Variants in OR56A3 observed in about 807,000 individuals in gnomAD.
OR56A3 encodes the protein olfactory receptor 56A3.
A neutral mutation model predicts 17.5 loss-of-function variants in OR56A3; 23 were observed. The ratio of observed to expected loss-of-function variants is 1.32; its 90% CI spans 0.95 to 1.87. The LOEUF (loss-of-function observed/expected upper bound fraction) is 1.87. Among genes scored for constraint, OR56A3 ranks in the 40% most tolerant of loss-of-function variants. The pLI is 0.00. For missense variants in OR56A3, 366 were observed against 380.1 expected (o/e 0.96, Z 0.31); for synonymous variants, 175 against 150.6 (o/e 1.16, Z -1.19).
chr11:6,006,517 A>G, the OR56A3 span: 1 of 152,240 alleles, frequency 6.6e-6, no homozygotes, highest in Non-Finnish European at 1.5e-5. Flanking sequence ...CAGATTCTGA[A>G]CTAACCAAAA....
At position 5,951,196 on chromosome 11, in the gene OR56A3, A is replaced by T. The variant is rs1012219455; in HGVS notation, c.*2902A>T. 7 of 152,134 alleles carry T rather than the reference A, an allele frequency of 4.6e-5. No individual in the cohort carries two copies. The highest frequency in any genetic ancestry group is 1.4e-4 in the African/African-American group (6 of 41,450). 9.4% of individuals were successfully genotyped at this position (152,134 alleles called of 1,614,324 possible). A position where few individuals can be genotyped will look rare whatever the true frequency, so the allele number is the denominator to read the frequency against. On this transcript the variant is annotated 3_prime_UTR_variant, in exon 3 of 3. Transcript: ENST00000641160. ...GACTTGAAGAAGAGTTAAACTTAAG[A>T]TCCTAAGGAAGAATGTAAATGGGTA...
the OR56A3 span, among the ~76,000 whole-genome samples, chr11:5,991,339 C>CA: frequency 5.9e-5 from 9 of 152,172 alleles, no homozygotes; most frequent in African/African-American, 2.2e-4. Flanking sequence ...AGCTCTCAGC[C>CA]CTCCCCTAAT....
At chr11:6,003,277 A>G in the OR56A3 span, 1 of 573,678 alleles carries the variant, frequency 1.7e-6, no homozygotes, top group Non-Finnish European at 2.9e-6. Context: ...ACAGGTAATA[A>G]AATAGAGATA....
the OR56A3 span, among the ~76,000 whole-genome samples, chr11:5,963,475 T>G: frequency 2.6e-5 from 4 of 151,160 alleles, no homozygotes; most frequent in Admixed American, 1.3e-4. Flanking sequence ...TTTTTTGGTG[T>G]TTTTTTTTAA....
downstream of OR56A3, among the ~76,000 whole-genome samples, chr11:5,951,766 G>A (rs1826044921): frequency 6.6e-6 from 1 of 152,104 alleles, no homozygotes; most frequent in African/African-American, 2.4e-5. Context: ...ACTTAATGTA[G>A]GAAACTCCTT....
At chr11:5,999,791 G>A in the OR56A3 span, 4 of 152,290 alleles carry the variant, frequency 2.6e-5, no homozygotes, top group East Asian at 1.9e-4. Context: ...TAGCCATGCA[G>A]AATTTTAAAG....
the OR56A3 span, among the ~76,000 whole-genome samples, chr11:6,011,901 C>G: frequency 1.3e-5 from 2 of 152,198 alleles, no homozygotes; most frequent in Non-Finnish European, 2.9e-5. Context: ...GTGGCTGCAG[C>G]TGGACTAGGC....
chr11:6,001,897 GT>G, the OR56A3 span: 5 of 643,686 alleles, frequency 7.8e-6, no homozygotes, highest in South Asian at 1.7e-4. Context: ...ACAAATAAAT[GT>G]GTTCATTGTT....
chr11:6,001,093 A>G, the OR56A3 span: 1 of 152,220 alleles, frequency 6.6e-6, no homozygotes, highest in South Asian at 2.1e-4. Flanking sequence ...AGGAAATGCC[A>G]AAATAGTAGA....
the OR56A3 span, among the ~76,000 whole-genome samples, chr11:5,965,949 C>T: frequency 2.6e-5 from 4 of 152,002 alleles, no homozygotes; most frequent in Non-Finnish European, 4.4e-5. Context: ...GAGCTGGGAG[C>T]TGACCTGCAT....
the OR56A3 span, among the ~76,000 whole-genome samples, chr11:5,998,466 T>C: frequency 5.9e-5 from 9 of 152,102 alleles, no homozygotes; most frequent in African/African-American, 1.7e-4. Context: ...GAAATTATGA[T>C]AGAAGGGAGA....
chr11:6,010,820 TG>T, the OR56A3 span, among the ~76,000 whole-genome samples: 1 of 10,346 alleles, frequency 9.7e-5, no homozygotes, highest in African/African-American at 3.9e-4. Context: ...GACAGAAATG[TG>T]TGTGTGTGTG....
chr11:5,951,409 A>G (rs1049064612), downstream of OR56A3: 1 of 152,058 alleles, frequency 6.6e-6, no homozygotes, highest in African/African-American at 2.4e-5. Flanking sequence ...TTCTTTTAAT[A>G]AAATGTATTT....
At chr11:5,986,090 G>A in the OR56A3 span, 60 of 1,613,840 alleles carry the variant, frequency 3.7e-5, no homozygotes, top group African/African-American at 1.3e-4. Context: ...TGACCAAAGC[G>A]GTGAGTGAGG....
chr11:5,975,476 C>T, the OR56A3 span, among the ~76,000 whole-genome samples: 1,160 of 150,568 alleles, frequency 7.7e-3, 17 homozygotes, highest in African/African-American at 0.027. Context: ...TTTGTCCTTG[C>T]GATAGTTTGC....
At chr11:5,974,458 C>T in the OR56A3 span, among the ~76,000 whole-genome samples, 5 of 152,146 alleles carry the variant, frequency 3.3e-5, no homozygotes, top group African/African-American at 1.2e-4. Context: ...CTGTTTCCTG[C>T]TCATATTGTA....
chr11:5,954,342 T>C (rs1298345285), downstream of OR56A3, among the ~76,000 whole-genome samples: 1 of 152,162 alleles, frequency 6.6e-6, no homozygotes, highest in Non-Finnish European at 1.5e-5. Context: ...TCAGATCTTA[T>C]CCCACAATCC....
rs1174577520 is a variant in OR56A3, at chr11:5,949,518, A to G, written c.*1224A>G. 6.6e-6 allele frequency: 1 copy of G among 152,224 alleles called. No homozygotes were observed. Among genetic ancestry groups the G allele is most frequent in the East Asian group, 1.9e-4 (1 of 5,194 alleles). The allele number at this position is 152,224 out of a possible 1,614,324, so 9.4% of individuals were successfully genotyped here. ...CACTGTGTTTCCCATTATTCATCCAATACCTGATAATAGTGAGCGATTTGT... is the reference window on the plus strand; with the variant it reads ...CACTGTGTTTCCCATTATTCATCCAGTACCTGATAATAGTGAGCGATTTGT... On this transcript the variant is annotated 3_prime_UTR_variant, in exon 3 of 3. Coordinates refer to ENST00000641160, the MANE Select transcript of OR56A3 (RefSeq NM_001003443.3).
chr11:5,991,391 T>C, the OR56A3 span, among the ~76,000 whole-genome samples: 1 of 152,132 alleles, frequency 6.6e-6, no homozygotes, highest in Non-Finnish European at 1.5e-5. Flanking sequence ...TCCCCCACTG[T>C]CATAGAGTCC....
Sources: gnomAD v4.1 joint callset for allele counts (sites outside exome capture counted in the v4.1 genomes callset) on GRCh38, gnomAD v4.1.1 for gene constraint, MANE v1.5 for transcripts, NCBI Gene and HGNC (gene_info 2026-07-23, HGNC 2026-07-21) for gene names.